The following RANBP3L variants were observed in gnomAD, a reference collection of about 807,000 sequenced individuals.
RANBP3L encodes the protein RAN binding protein 3 like, also known as ran-binding protein 3-like.
In RANBP3L, 56 loss-of-function variants were observed where a neutral mutation model predicts 67.2. The ratio of observed to expected loss-of-function variants is 0.83; its 90% confidence interval spans 0.67 to 1.04. RANBP3L has a LOEUF of 1.04. Among genes scored for constraint, RANBP3L ranks in the 50% least tolerant of loss-of-function variants. The pLI is 0.00. For missense variants in RANBP3L, 496 were observed against 535.5 expected (o/e 0.93, Z 0.73); for synonymous variants, 164 against 181.4 (o/e 0.90, Z 0.77).
intron 4 of RANBP3L, among the ~76,000 whole-genome samples, chr5:36,266,957 A>G (rs1462667534): frequency 1.3e-5 from 2 of 152,064 alleles, no homozygotes; most frequent in African/African-American, 4.8e-5. Flanking sequence ...AGGTTTCACC[A>G]TGTTTGCCAC....
intron 1 of RANBP3L, among the ~76,000 whole-genome samples, chr5:36,275,218 G>A (rs1750488443): frequency 6.6e-6 from 1 of 152,126 alleles, no homozygotes; most frequent in African/African-American, 2.4e-5. Context: ...TGGGTCAAGT[G>A]CTTTTATCCA....
In RANBP3L at chr5:36,250,143, G is replaced by A. The variant is rs372596361; in HGVS notation, c.1355-446C>T. On this transcript the variant is annotated intron_variant, in intron 13 of 13. Transcript: ENST00000296604. Reference sequence around the variant, plus strand: ...ATAAACATGTGTCATTAGTTAGTGAGAGAATTTGCTATTTAATCCTTATTT... The same window carrying A: ...ATAAACATGTGTCATTAGTTAGTGAAAGAATTTGCTATTTAATCCTTATTT... Among the ~76,000 whole-genome samples the A allele has an allele frequency of 4.7e-4, 71 of 152,022 alleles. 1 individual carries two copies. In the South Asian group the frequency reaches 0.015, roughly 32 times the overall value.
intron 4 of RANBP3L, chr5:36,268,350 A>C: frequency 2.3e-6 from 2 of 860,992 alleles, no homozygotes; most frequent in South Asian, 3.9e-5. Context: ...GTTTTGGAAA[A>C]ATTTCTGTAT....
At chr5:36,282,142 A>G (rs1370436478) in intron 1 of RANBP3L, among the ~76,000 whole-genome samples, 1 of 152,202 alleles carries the variant, frequency 6.6e-6, no homozygotes, top group Non-Finnish European at 1.5e-5. Context: ...TGTAAATCAC[A>G]TATTTTTCAC....
chr5:36,265,872 G>A (rs1749735553), intron 4 of RANBP3L, among the ~76,000 whole-genome samples: 1 of 151,676 alleles, frequency 6.6e-6, no homozygotes, highest in Non-Finnish European at 1.5e-5. Flanking sequence ...AGCTACTCGG[G>A]AGGCTGAGGA....
intron 1 of RANBP3L, among the ~76,000 whole-genome samples, chr5:36,290,512 C>A (rs1182717202): frequency 6.6e-6 from 1 of 151,832 alleles, no homozygotes; most frequent in Admixed American, 6.6e-5. Flanking sequence ...CCACCGCACC[C>A]GGCCATATCT....
Position 36,249,456 on chromosome 5 carries a change from T to C in RANBP3L, c.*198A>G, listed in dbSNP as rs1255495397. 1 of 343,696 alleles carries C rather than the reference T, an allele frequency of 2.9e-6. No individual in the cohort carries two copies. The highest frequency in any genetic ancestry group is 4.6e-5 in the Admixed American group (1 of 21,806). The allele number at this position is 343,696 out of a possible 1,614,324, so 21.3% of individuals were successfully genotyped here. ...ACTTCTGAAGTCCATTTTTTTAAAT[T>C]CTGTCAGTTTCTGCACAATAATCAA... On this transcript the variant is annotated 3_prime_UTR_variant, in exon 14 of 14. Coordinates refer to ENST00000296604, the MANE Select transcript of RANBP3L (RefSeq NM_145000.5).
At chr5:36,251,199 C>A in intron 13 of RANBP3L, 114 bp downstream of exon 13, 1 of 794,470 alleles carries the variant, frequency 1.3e-6, no homozygotes, top group Non-Finnish European at 1.9e-6. Context: ...GCTCTAGCCA[C>A]CACTAACTTT....
intron 6 of RANBP3L, 81 bp from the exon 7 acceptor site, chr5:36,262,123 G>C: frequency 1.4e-6 from 1 of 704,142 alleles, no homozygotes; most frequent in Non-Finnish European, 2.5e-6. Context: ...AATAGTTATA[G>C]TTAAATATAT....
Position 36,269,956 on chromosome 5 carries a change from T to C in RANBP3L, c.185A>G (p.Glu62Gly). The change falls in exon 3 of 14, where the codon GAA becomes GGA. Residue 62 changes from glutamate (E) to glycine (G), a missense_variant. Coordinates refer to ENST00000296604, the MANE Select transcript of RANBP3L (RefSeq NM_145000.5). The part of the protein sequence containing the change: ...PAEDTLYEAA[E>G]PECNGFPTKR... ...TACAGGATGAAAATCATTACCTGGT[T>C]CTGCTGCTTCATACAGGGTGTCTTC... The C allele has an allele frequency of 1.9e-6, 3 of 1,613,322 alleles. No homozygotes were observed. Among genetic ancestry groups the C allele is most frequent in the Non-Finnish European group, 2.5e-6 (3 of 1,179,220 alleles).
intron 7 of RANBP3L, 69 bp downstream of exon 7, chr5:36,261,870 A>G: frequency 1.3e-6 from 1 of 763,056 alleles, no homozygotes; most frequent in Non-Finnish European, 2.2e-6. Context: ...ATTATTTTCC[A>G]TGAATGGTTA....
intron 1 of RANBP3L, among the ~76,000 whole-genome samples, chr5:36,272,130 A>C (rs530935680): frequency 2.0e-5 from 3 of 152,172 alleles, no homozygotes; most frequent in African/African-American, 7.2e-5. Context: ...CTCATCTGAA[A>C]AAAAAAAATC....
chr5:36,257,059 A>G lies in RANBP3L; in HGVS notation c.785T>C (p.Ile262Thr). The G allele has an allele frequency of 1.2e-6, 2 of 1,612,222 alleles. No homozygotes were observed. Among genetic ancestry groups the G allele is most frequent in the Non-Finnish European group, 8.5e-7 (1 of 1,178,966 alleles). The change falls in exon 10 of 14, where the codon ATT becomes ACT. Residue 262 changes from isoleucine to threonine, a missense_variant. Transcript: ENST00000296604. ...TGATTCAATTAGGGAAGTATTTTTA[A>G]TAGAGTCTGTTCCTAAGAGAAAATG... ...VNFLSSRTDS[I>T]KNTSLIESAA...
intron 1 of RANBP3L, among the ~76,000 whole-genome samples, chr5:36,280,902 T>C (rs1396688625): frequency 2.0e-5 from 3 of 152,186 alleles, no homozygotes; most frequent in Non-Finnish European, 2.9e-5. Flanking sequence ...TCTTTTGCCT[T>C]TTGAAATGTT....
intron 1 of RANBP3L, among the ~76,000 whole-genome samples, chr5:36,286,465 G>T (rs781766492): frequency 1.3e-5 from 2 of 151,926 alleles, no homozygotes; most frequent in Non-Finnish European, 2.9e-5. Flanking sequence ...GCATCCTTTT[G>T]TCCCTCCAAC....
chr5:36,267,242 C>T (rs1749863440), intron 4 of RANBP3L, among the ~76,000 whole-genome samples: 1 of 152,154 alleles, frequency 6.6e-6, no homozygotes, highest in Non-Finnish European at 1.5e-5. Context: ...GGCATGGTGG[C>T]TCACGACTGT....
intron 5 of RANBP3L, 127 bp downstream of exon 5, chr5:36,265,322 T>C (rs945625459): frequency 4.2e-6 from 3 of 707,358 alleles, no homozygotes; most frequent in Non-Finnish European, 7.1e-6. Flanking sequence ...CTTACTTGCA[T>C]TATTTCTTCA....
chr5:36,254,979 G>C (rs377661084), intron 11 of RANBP3L, among the ~76,000 whole-genome samples: 127 of 152,050 alleles, frequency 8.4e-4, no homozygotes, highest in African/African-American at 2.7e-3. Flanking sequence ...CCTTCATCCC[G>C]ACCCCCATCC....
chr5:36,279,351 CT>C (rs1196525622), intron 1 of RANBP3L, among the ~76,000 whole-genome samples: 1 of 152,000 alleles, frequency 6.6e-6, no homozygotes, highest in African/African-American at 2.4e-5. Context: ...CTCTAAAAAA[CT>C]TTTTTTAATG....
Sources: allele counts gnomAD v4.1 joint callset (sites outside exome capture counted in the v4.1 genomes callset), GRCh38; gene constraint gnomAD v4.1.1; transcripts MANE v1.5; gene names NCBI Gene and HGNC (gene_info 2026-07-23, HGNC 2026-07-21).